Variants in CDH12 observed in about 807,000 individuals in gnomAD.
CDH12 encodes cadherin 12.
A neutral mutation model predicts 74.1 loss-of-function variants in CDH12; 41 were observed. The observed-to-expected ratio is 0.55, with a 90% CI of 0.43 to 0.72. CDH12 has a LOEUF of 0.72. CDH12 is among the 30% of genes least tolerant of loss of function. The pLI, the probability that CDH12 is intolerant of heterozygous loss-of-function variation, is 0.00. For missense variants in CDH12, 945 were observed against 977.2 expected (o/e 0.97, Z 0.44); for synonymous variants, 399 against 355.0 (o/e 1.12, Z -1.39).
intron 8 of CDH12, among the ~76,000 whole-genome samples, chr5:21,840,025 G>A (rs1749752478): frequency 6.6e-6 from 1 of 152,118 alleles, no homozygotes; most frequent in South Asian, 2.1e-4. Context: ...AGAAACTATA[G>A]CAATTTTCAT....
At position 21,783,041 on chromosome 5, in the gene CDH12, G is replaced by A. The variant is rs536058937; in HGVS notation, c.1393+317C>T. Reference sequence around the variant, plus strand: ...CACCTGGCCCTGTGAAATACCCAATGATATGTAAAAGGAAACTGTGTGGAA... The same window carrying A: ...CACCTGGCCCTGTGAAATACCCAATAATATGTAAAAGGAAACTGTGTGGAA... On this transcript the variant is annotated intron_variant, in intron 11 of 14. Transcript: ENST00000382254. Among the ~76,000 whole-genome samples, 4 of 152,226 alleles carry A rather than the reference G, an allele frequency of 2.6e-5. No individual in the cohort carries two copies. The East Asian group carries it at 7.7e-4, about 29-fold the overall frequency.
intron 1 of CDH12, among the ~76,000 whole-genome samples, chr5:22,600,005 C>T (rs1044935465): frequency 6.6e-6 from 1 of 152,038 alleles, no homozygotes; most frequent in Non-Finnish European, 1.5e-5. Flanking sequence ...TATTAAAATA[C>T]TTAAAATATT....
intron 3 of CDH12, among the ~76,000 whole-genome samples, chr5:22,352,825 T>G (rs1356938926): frequency 6.6e-6 from 1 of 152,172 alleles, no homozygotes; most frequent in Non-Finnish European, 1.5e-5. Context: ...AACTGTTGAG[T>G]TAGTCTATCT....
chr5:21,909,156 T>C (rs1275964315), intron 6 of CDH12, among the ~76,000 whole-genome samples: 5 of 152,198 alleles, frequency 3.3e-5, no homozygotes, highest in Non-Finnish European at 4.4e-5. Flanking sequence ...GAAGCCTTTA[T>C]GCCATGATTC....
At chr5:22,137,996 A>G (rs1393844554) in intron 4 of CDH12, among the ~76,000 whole-genome samples, 2 of 152,160 alleles carry the variant, frequency 1.3e-5, no homozygotes, top group Non-Finnish European at 2.9e-5. Context: ...TTACTTTTAC[A>G]TTTTGAATTA....
intron 2 of CDH12, among the ~76,000 whole-genome samples, chr5:22,449,857 AC>A (rs892728499): frequency 2.0e-5 from 3 of 151,816 alleles, no homozygotes; most frequent in Non-Finnish European, 4.4e-5. Context: ...CTACCTGAAA[AC>A]CCCAACACAT....
intron 1 of CDH12, among the ~76,000 whole-genome samples, chr5:22,747,471 A>C (rs1477386222): frequency 6.6e-6 from 1 of 151,450 alleles, no homozygotes; most frequent in African/African-American, 2.4e-5. Context: ...AAAAAAAAAA[A>C]AAAACTACAA....
intron 1 of CDH12, among the ~76,000 whole-genome samples, chr5:22,813,328 T>A (rs1013425380): frequency 6.6e-6 from 1 of 152,130 alleles, no homozygotes; most frequent in African/African-American, 2.4e-5. Flanking sequence ...GAGTTGCAGG[T>A]TTACTAAAGT....
intron 5 of CDH12, among the ~76,000 whole-genome samples, chr5:22,045,720 C>T (rs1413627763): frequency 6.6e-6 from 1 of 151,910 alleles, no homozygotes; most frequent in Non-Finnish European, 1.5e-5. Context: ...TGATCTCACT[C>T]ATATGTGGAA....
At chr5:21,769,639 G>A (rs568135871) in intron 11 of CDH12, among the ~76,000 whole-genome samples, 285 of 152,100 alleles carry the variant, frequency 1.9e-3, no homozygotes, top group African/African-American at 4.9e-3. Context: ...TTTAGAAATG[G>A]GTTCACTGGG....
intron 5 of CDH12, among the ~76,000 whole-genome samples, chr5:21,977,790 A>G (rs1757133255): frequency 2.0e-5 from 3 of 152,166 alleles, no homozygotes; most frequent in Admixed American, 1.3e-4. Flanking sequence ...AGAAAAAAAT[A>G]TGGGAAAATA....
chr5:22,024,331 A>G (rs888740223), intron 5 of CDH12, among the ~76,000 whole-genome samples: 1 of 152,164 alleles, frequency 6.6e-6, no homozygotes, highest in South Asian at 2.1e-4. Context: ...ATAAAACAAA[A>G]CAAAACAAAA....
At chr5:22,437,992 AT>A (rs1337424254) in intron 2 of CDH12, among the ~76,000 whole-genome samples, 2 of 152,094 alleles carry the variant, frequency 1.3e-5, no homozygotes, top group Non-Finnish European at 2.9e-5. Flanking sequence ...AGATAGCTAA[AT>A]TCATATATTG....
chr5:21,764,832 G>A (rs1282146300), intron 12 of CDH12, 146 bp downstream of exon 12: 2 of 751,744 alleles, frequency 2.7e-6, no homozygotes, highest in African/African-American at 3.6e-5. Context: ...ATTCACAAGA[G>A]TTTAATTAAT....
At chr5:21,833,471 T>TA (rs1430024990) in intron 8 of CDH12, among the ~76,000 whole-genome samples, 1 of 86,388 alleles carries the variant, frequency 1.2e-5, no homozygotes, top group African/African-American at 4.9e-5. Flanking sequence ...TATATTATTA[T>TA]ATATCATATA....
intron 8 of CDH12, among the ~76,000 whole-genome samples, chr5:21,841,856 T>C (rs1749872839): frequency 1.1e-5 from 1 of 93,030 alleles, no homozygotes; most frequent in Non-Finnish European, 2.0e-5. Context: ...TGGGGACTGT[T>C]GTGGGGTGGG....
intron 4 of CDH12, among the ~76,000 whole-genome samples, chr5:22,138,773 T>C (rs180896825): frequency 0.017 from 2,425 of 145,820 alleles, 25 homozygotes; most frequent in Middle Eastern, 0.041. Context: ...TGACACATTT[T>C]ATCTTATTGA....
At chr5:22,397,291 G>C (rs1742499055) in intron 3 of CDH12, among the ~76,000 whole-genome samples, 9 of 152,032 alleles carry the variant, frequency 5.9e-5, no homozygotes, top group Admixed American at 5.9e-4. Context: ...ACTAGCAGGA[G>C]AGCAACAAGA....
At chr5:22,590,124 G>T (rs1740627659) in intron 1 of CDH12, among the ~76,000 whole-genome samples, 1 of 152,050 alleles carries the variant, frequency 6.6e-6, no homozygotes. Context: ...TAAAATATGA[G>T]ACCCCTTTTG....
Sources: gnomAD v4.1 joint callset for allele counts (sites outside exome capture counted in the v4.1 genomes callset) on GRCh38, gnomAD v4.1.1 for gene constraint, MANE v1.5 for transcripts, NCBI Gene and HGNC (gene_info 2026-07-23, HGNC 2026-07-21) for gene names.